The following FAM117B variants were observed in gnomAD, a reference collection of about 807,000 sequenced individuals.
FAM117B encodes family with sequence similarity 117 member B, also known as protein FAM117B.
Under a neutral mutation model 52.8 loss-of-function variants are expected in FAM117B, and 22 were observed. That is an observed-to-expected ratio of 0.42 (90% CI 0.30 to 0.59). The LOEUF (loss-of-function observed/expected upper bound fraction) is 0.59, where lower values mean the gene tolerates loss of function less well. FAM117B is among the 20% of genes least tolerant of loss of function. The pLI is 0.22. For synonymous variants in FAM117B, 309 were observed against 324.1 expected (o/e 0.95, Z 0.50); for missense variants, 678 against 802.6 (o/e 0.84, Z 1.88).
rs67479326 is a variant in FAM117B, at chr2:202,740,174, C to CA, written c.960+13839dup. 2.3e-3 allele frequency among the ~76,000 whole-genome samples: 230 copies of CA among 100,560 alleles called. 3 individuals carry two copies. The highest frequency in any genetic ancestry group is 2.4e-3 in the Non-Finnish European group (133 of 56,254). 66.0% of individuals were successfully genotyped at this position (100,560 alleles called of 152,430 possible). A position where few individuals can be genotyped will look rare whatever the true frequency, so the allele number is the denominator to read the frequency against. ...GAGGACAGAGCGAGACTTCATCCCC[C>CA]AAAAAAAAAAAAAAAAAAAAAAAAA... On this transcript the variant is annotated intron_variant, in intron 4 of 7. Transcript: ENST00000392238.
rs1574310633 is a variant in FAM117B at position 202,768,289 on chromosome 2, C to T, written c.*2525C>T. 1 of 152,066 alleles carries T rather than the reference C, an allele frequency of 6.6e-6. No homozygotes were observed. Among genetic ancestry groups the T allele is most frequent in the Non-Finnish European group, 1.5e-5 (1 of 68,024 alleles). 9.4% of individuals were successfully genotyped at this position (152,066 alleles called of 1,614,324 possible). On this transcript the variant is annotated 3_prime_UTR_variant, in exon 8 of 8. Transcript: ENST00000392238. ...ATCTTTCTGTGGAGTTTCATATGTC[C>T]TTAATCTAAAGTAACTTAAAATTGG...
chr2:202,652,495 T>G (rs1689972263), intron 1 of FAM117B, among the ~76,000 whole-genome samples: 1 of 152,184 alleles, frequency 6.6e-6, no homozygotes, highest in Non-Finnish European at 1.5e-5. Flanking sequence ...AAGAAAGAGA[T>G]AATTCAGATT....
At chr2:202,682,713 C>G (rs1690481023) in intron 1 of FAM117B, among the ~76,000 whole-genome samples, 1 of 152,070 alleles carries the variant, frequency 6.6e-6, no homozygotes, top group Non-Finnish European at 1.5e-5. Flanking sequence ...TGTTCACTGA[C>G]CACAACAGAA....
chr2:202,681,144 T>C (rs1208610984), intron 1 of FAM117B, among the ~76,000 whole-genome samples: 2 of 152,068 alleles, frequency 1.3e-5, no homozygotes, highest in African/African-American at 2.4e-5. Context: ...TAAAGATGCA[T>C]ATTATAAAAC....
At chr2:202,660,459 A>G (rs1387177086) in intron 1 of FAM117B, among the ~76,000 whole-genome samples, 1 of 152,110 alleles carries the variant, frequency 6.6e-6, no homozygotes, top group East Asian at 1.9e-4. Flanking sequence ...CCCAGGAGTC[A>G]GTTTGGGACC....
chr2:202,658,494 G>T (rs1690082918), intron 1 of FAM117B, among the ~76,000 whole-genome samples: 1 of 151,976 alleles, frequency 6.6e-6, no homozygotes, highest in African/African-American at 2.4e-5. Flanking sequence ...TAGAGACAGG[G>T]TTTCACCTTG....
At chr2:202,725,809 C>T (rs941007029) in intron 3 of FAM117B, among the ~76,000 whole-genome samples, 1 of 151,942 alleles carries the variant, frequency 6.6e-6, no homozygotes, top group Non-Finnish European at 1.5e-5. Flanking sequence ...GAATTGCATT[C>T]GTTATTTAAA....
At chr2:202,655,120 A>G (rs1022040856) in intron 1 of FAM117B, among the ~76,000 whole-genome samples, 1 of 152,202 alleles carries the variant, frequency 6.6e-6, no homozygotes, top group Non-Finnish European at 1.5e-5. Context: ...AGAATGTCAT[A>G]TGAATGAGTT....
chr2:202,635,949 C>A (rs1321041596), intron 1 of FAM117B, among the ~76,000 whole-genome samples, 161 bp downstream of exon 1: 2 of 151,818 alleles, frequency 1.3e-5, no homozygotes, highest in East Asian at 3.9e-4. Context: ...GCAGTGCGGC[C>A]CCGCCTTTCC....
intron 7 of FAM117B, among the ~76,000 whole-genome samples, chr2:202,761,730 T>C (rs1324130929): frequency 6.6e-6 from 1 of 152,108 alleles, no homozygotes; most frequent in Non-Finnish European, 1.5e-5. Flanking sequence ...TTTTACCATA[T>C]TGGCCAGGCT....
chr2:202,660,852 T>G (rs911850723), intron 1 of FAM117B, among the ~76,000 whole-genome samples: 5 of 152,232 alleles, frequency 3.3e-5, no homozygotes, highest in Non-Finnish European at 7.3e-5. Flanking sequence ...TAGGTGCCTT[T>G]GTGGTCACTG....
At chr2:202,732,544 C>T (rs920565637) in intron 4 of FAM117B, among the ~76,000 whole-genome samples, 13 of 152,098 alleles carry the variant, frequency 8.5e-5, no homozygotes, top group Non-Finnish European at 1.6e-4. Context: ...GCTGGCCAGG[C>T]ACGGCGGCTT....
intron 1 of FAM117B, among the ~76,000 whole-genome samples, chr2:202,638,375 TGAG>T (rs1689718471): frequency 6.6e-6 from 1 of 152,144 alleles, no homozygotes; most frequent in Non-Finnish European, 1.5e-5. Flanking sequence ...AGAAACACCC[TGAG>T]GAGAACTGGG....
chr2:202,644,083 T>TTTTTTTTTTG (rs1689821855), intron 1 of FAM117B, among the ~76,000 whole-genome samples: 1 of 134,808 alleles, frequency 7.4e-6, no homozygotes, highest in Non-Finnish European at 1.7e-5. Flanking sequence ...TTTTTTTTTT[T>TTTTTTTTTTG]TCAGTTTTAT....
chr2:202,714,262 G>C (rs1691002682), intron 2 of FAM117B, among the ~76,000 whole-genome samples: 1 of 152,104 alleles, frequency 6.6e-6, no homozygotes, highest in Non-Finnish European at 1.5e-5. Context: ...ATGTGCTGAG[G>C]AAAGAATGTG....
chr2:202,696,081 T>G, intron 2 of FAM117B, 49 bp downstream of exon 2: 1 of 1,577,502 alleles, frequency 6.3e-7, no homozygotes, highest in South Asian at 1.1e-5. Flanking sequence ...CTGAAGCTAC[T>G]TCTTCTAATA....
rs551766292 is a variant in FAM117B at position 202,731,087 on chromosome 2, C to T, written c.960+4724C>T. Among the ~76,000 whole-genome samples, 23 of 151,980 alleles carry T rather than the reference C, an allele frequency of 1.5e-4. No individual in the cohort carries two copies. In the South Asian group the frequency reaches 3.1e-3, roughly 21 times the overall value. ...TGATAAGGCATTTGTGTCTAAACTA[C>T]GTAAACAACTCTTGCAACTCAGTAA... On this transcript the variant is annotated intron_variant, in intron 4 of 7. Coordinates refer to ENST00000392238, the MANE Select transcript of FAM117B (RefSeq NM_173511.4).
At chr2:202,751,822 A>C (rs1350925070) in intron 4 of FAM117B, among the ~76,000 whole-genome samples, 11 of 151,288 alleles carry the variant, frequency 7.3e-5, no homozygotes, top group Non-Finnish European at 5.9e-5. Flanking sequence ...ATATCTGTGC[A>C]CCAAAGATCT....
intron 1 of FAM117B, among the ~76,000 whole-genome samples, chr2:202,692,435 C>G (rs753956171): frequency 2.0e-5 from 3 of 152,010 alleles, no homozygotes; most frequent in Non-Finnish European, 4.4e-5. Flanking sequence ...CTTTACAGGT[C>G]AAGAGGTAAA....
Sources: allele counts gnomAD v4.1 joint callset (sites outside exome capture counted in the v4.1 genomes callset), GRCh38; gene constraint gnomAD v4.1.1; transcripts MANE v1.5; gene names NCBI Gene and HGNC (gene_info 2026-07-23, HGNC 2026-07-21).